DGLUCY: variants seen among roughly 807,000 people sequenced by gnomAD.
The protein encoded by DGLUCY is D-glutamate cyclase, mitochondrial.
DGLUCY carries 58 observed loss-of-function variants against 58.5 expected under a neutral mutation model. The ratio of observed to expected loss-of-function variants is 0.99; its 90% CI spans 0.80 to 1.23. The LOEUF (loss-of-function observed/expected upper bound fraction) is 1.23, where lower values mean the gene tolerates loss of function less well. Among genes scored for constraint, DGLUCY ranks in the 50% most tolerant of loss-of-function variants. The pLI, the probability that DGLUCY is intolerant of heterozygous loss-of-function variation, is 0.00. For missense variants in DGLUCY, 779 were observed against 784.7 expected, an observed-to-expected ratio of 0.99 and a Z score of 0.09; for synonymous variants, 325 against 314.1, an observed-to-expected ratio of 1.03 and a Z score of -0.37.
Position 91,127,053 on chromosome 14 carries a change from C to CTTTTT in DGLUCY, c.-82+12787_-82+12791dup, listed in dbSNP as rs11407228. Among the ~76,000 whole-genome samples the CTTTTT allele has an allele frequency of 3.5e-3, 348 of 98,320 alleles. 10 individuals are homozygous for CTTTTT. Among genetic ancestry groups the CTTTTT allele is most frequent in the Non-Finnish European group, 5.3e-3 (281 of 52,794 alleles). The allele number at this position is 98,320 out of a possible 152,430, so 64.5% of individuals were successfully genotyped here. A position where few individuals can be genotyped will look rare whatever the true frequency, so the allele number is the denominator to read the frequency against. ...TTCTCAGTCAGGCCTTGATGATACT[C>CTTTTT]TTTTTTTTTTTTTTTTTTTTTGAGA... On this transcript the variant is annotated intron_variant, in intron 1 of 13. Transcript: ENST00000256324.
intron 1 of DGLUCY, among the ~76,000 whole-genome samples, chr14:91,068,079 G>GCGCACACACACACACACACA (rs375738080): frequency 5.5e-5 from 8 of 146,436 alleles, no homozygotes; most frequent in East Asian, 4.0e-4. Flanking sequence ...ACACGCGCAC[G>GCGCACACACACACACACACA]CACACACACA....
intron 1 of DGLUCY, among the ~76,000 whole-genome samples, chr14:91,138,217 C>T (rs558875080): frequency 1.3e-5 from 2 of 152,246 alleles, no homozygotes; most frequent in South Asian, 2.1e-4. Context: ...CGCAGCTGGG[C>T]GCGGTGGCTC....
At chr14:91,155,245 T>G (rs2047552441) in intron 1 of DGLUCY, among the ~76,000 whole-genome samples, 1 of 152,232 alleles carries the variant, frequency 6.6e-6, no homozygotes, top group South Asian at 2.1e-4. Flanking sequence ...TGTGACTGTC[T>G]TATTCACCAC....
chr14:91,178,230 A>G (rs1347172881), intron 7 of DGLUCY, among the ~76,000 whole-genome samples: 1 of 151,990 alleles, frequency 6.6e-6, no homozygotes, highest in African/African-American at 2.4e-5. Context: ...CAGTGGCACG[A>G]TCACAGCTCA....
chr14:91,200,811 C>A (rs2050505654), intron 11 of DGLUCY, among the ~76,000 whole-genome samples: 1 of 152,166 alleles, frequency 6.6e-6, no homozygotes, highest in South Asian at 2.1e-4. Context: ...GTTTATTTCA[C>A]CTGGGTGCAG....
intron 1 of DGLUCY, among the ~76,000 whole-genome samples, chr14:91,062,556 AAAATATATATATATATATATATATATAT>A (rs1470930092): frequency 6.5e-5 from 2 of 30,594 alleles, no homozygotes; most frequent in African/African-American, 2.9e-4. Flanking sequence ...TAAAAAAAAA[AAAATATATATATATATATATATATATAT>A]ATATATATAT....
At chr14:91,117,695 G>A (rs111390514) in intron 1 of DGLUCY, among the ~76,000 whole-genome samples, 12 of 150,984 alleles carry the variant, frequency 7.9e-5, no homozygotes, top group African/African-American at 2.9e-4. Flanking sequence ...ACGCCAAACT[G>A]TAAAATATTT....
intron 1 of DGLUCY, among the ~76,000 whole-genome samples, chr14:91,115,561 C>A (rs568733013): frequency 6.6e-6 from 1 of 152,290 alleles, no homozygotes; most frequent in South Asian, 2.1e-4. Context: ...GTAGCAGGGA[C>A]TACAGGCACA....
chr14:91,084,426 A>T, intron 1 of DGLUCY, among the ~76,000 whole-genome samples: 1 of 151,854 alleles, frequency 6.6e-6, no homozygotes, highest in East Asian at 1.9e-4. Context: ...GCTGGTCTTG[A>T]TCTCCTGACC....
At chr14:91,219,989 G>T (rs1196606363) in intron 13 of DGLUCY, among the ~76,000 whole-genome samples, 1 of 152,218 alleles carries the variant, frequency 6.6e-6, no homozygotes, top group Non-Finnish European at 1.5e-5. Context: ...CTTCCCCTCA[G>T]CCCGATGGAG....
At chr14:91,071,661 A>G (rs1014075771) in intron 1 of DGLUCY, among the ~76,000 whole-genome samples, 1 of 151,704 alleles carries the variant, frequency 6.6e-6, no homozygotes, top group East Asian at 2.0e-4. Context: ...CGAGGTCAGG[A>G]GTTTGAGACC....
intron 12 of DGLUCY, among the ~76,000 whole-genome samples, chr14:91,209,347 A>G (rs1885291623): frequency 6.6e-6 from 1 of 152,190 alleles, no homozygotes. Flanking sequence ...ACAGCAGCAA[A>G]TATGGTAGCT....
chr14:91,141,748 A>G (rs1186377475), intron 1 of DGLUCY, among the ~76,000 whole-genome samples: 1 of 151,640 alleles, frequency 6.6e-6, no homozygotes, highest in African/African-American at 2.4e-5. Context: ...ATGGGCTTTC[A>G]CCACGTTGGT....
At chr14:91,224,594 A>C in intron 13 of DGLUCY, 90 bp from the exon 14 acceptor site, 6 of 1,315,884 alleles carry the variant, frequency 4.6e-6, no homozygotes, top group African/African-American at 1.5e-5. Context: ...ATGTCAAGGC[A>C]AAGGATCCTT....
intron 1 of DGLUCY, among the ~76,000 whole-genome samples, chr14:91,094,421 C>T (rs1256807522): frequency 3.5e-5 from 5 of 144,536 alleles, no homozygotes; most frequent in South Asian, 2.2e-4. Flanking sequence ...GGCGACCGAG[C>T]GAGACTCTGT....
upstream of DGLUCY, among the ~76,000 whole-genome samples, chr14:91,111,266 A>C (rs968339584): frequency 7.2e-6 from 1 of 138,852 alleles, no homozygotes; most frequent in Admixed American, 7.8e-5. Context: ...CTATATATCT[A>C]TATCTATCTA....
chr14:91,215,303 G>T, intron 12 of DGLUCY, 102 bp from the exon 13 acceptor site: 1 of 1,500,630 alleles, frequency 6.7e-7, no homozygotes. Context: ...TGGTGCTACG[G>T]GACCGTGGAC....
intron 12 of DGLUCY, among the ~76,000 whole-genome samples, chr14:91,209,803 T>C (rs989449319): frequency 1.1e-4 from 16 of 152,158 alleles, no homozygotes; most frequent in Admixed American, 5.2e-4. Flanking sequence ...GTAAAGACAC[T>C]ATATGTGTCT....
intron 1 of DGLUCY, among the ~76,000 whole-genome samples, chr14:91,088,859 C>G (rs1344843495): frequency 2.6e-5 from 4 of 152,160 alleles, no homozygotes. Context: ...TCCTTGGGGA[C>G]CCCGCCCTCC....
Sources: gnomAD v4.1 joint callset for allele counts (sites outside exome capture counted in the v4.1 genomes callset) on GRCh38, gnomAD v4.1.1 for gene constraint, MANE v1.5 for transcripts, NCBI Gene and HGNC (gene_info 2026-07-23, HGNC 2026-07-21) for gene names.